Variants in COX10 observed in about 807,000 individuals in gnomAD.
COX10 encodes the protein cytochrome c oxidase assembly factor heme A:farnesyltransferase COX10, also known as protoheme IX farnesyltransferase, mitochondrial.
In COX10, 27 loss-of-function variants were observed where a neutral mutation model predicts 37.3. That is an observed-to-expected ratio of 0.72 (90% CI 0.53 to 1.00). The LOEUF (loss-of-function observed/expected upper bound fraction) is 1.00, where lower values mean the gene tolerates loss of function less well. Among genes scored for constraint, COX10 ranks in the 50% least tolerant of loss-of-function variants. The pLI is 0.00. For synonymous variants in COX10, 222 were observed against 229.1 expected (o/e 0.97, Z 0.28); for missense variants, 475 against 563.2 (o/e 0.84, Z 1.59).
At chr17:14,129,663 T>C (rs1270898475) in intron 4 of COX10, among the ~76,000 whole-genome samples, 1 of 152,244 alleles carries the variant, frequency 6.6e-6, no homozygotes, top group Non-Finnish European at 1.5e-5. Flanking sequence ...TTTTTCATTG[T>C]GCTGTAAGCA....
chr17:14,190,668 T>G, intron 5 of COX10, among the ~76,000 whole-genome samples: 1 of 152,114 alleles, frequency 6.6e-6, no homozygotes, highest in Non-Finnish European at 1.5e-5. Context: ...ATCAAGTCAC[T>G]TCTAGCTTTC....
At chr17:14,115,951 C>T (rs75033744) in intron 4 of COX10, among the ~76,000 whole-genome samples, 4,039 of 152,164 alleles carry the variant, frequency 0.027, 195 homozygotes, top group African/African-American at 0.093. Flanking sequence ...CCCTAAGAGC[C>T]CAGACTTCAC....
intron 4 of COX10, among the ~76,000 whole-genome samples, chr17:14,124,218 G>A (rs1001552086): frequency 6.6e-6 from 1 of 152,130 alleles, no homozygotes; most frequent in African/African-American, 2.4e-5. Context: ...TTTAATGATA[G>A]AAAGAATTGC....
At chr17:14,079,677 A>G (rs1915235358) in intron 3 of COX10, among the ~76,000 whole-genome samples, 1 of 152,178 alleles carries the variant, frequency 6.6e-6, no homozygotes, top group Non-Finnish European at 1.5e-5. Context: ...GGCTTATTAT[A>G]AAAAAGAATT....
rs1389043662 is a variant in COX10 at position 14,179,282 on chromosome 17, G to A, written c.696-12707G>A. The A allele has an allele frequency of 4.0e-5, 36 of 909,012 alleles. 1 individual carries two copies. The South Asian group carries it at 1.7e-3, about 42-fold the overall frequency. 56.3% of individuals were successfully genotyped at this position (909,012 alleles called of 1,614,324 possible). A position where few individuals can be genotyped will look rare whatever the true frequency, so the allele number is the denominator to read the frequency against. On this transcript the variant is annotated intron_variant, in intron 5 of 6. Coordinates refer to ENST00000261643, the MANE Select transcript of COX10 (RefSeq NM_001303.4). Reference sequence around the variant, plus strand: ...GGTCCTTCAGACTTATATTTTTAAGGTATCTTATATATATTTTTTAGTGAT... The same window carrying A: ...GGTCCTTCAGACTTATATTTTTAAGATATCTTATATATATTTTTTAGTGAT...
chr17:14,092,303 C>T (rs1915545822), intron 3 of COX10, among the ~76,000 whole-genome samples: 1 of 152,018 alleles, frequency 6.6e-6, no homozygotes. Flanking sequence ...TACTTAAATG[C>T]TTCATTTTGG....
intron 4 of COX10, among the ~76,000 whole-genome samples, chr17:14,145,302 G>A (rs1488384899): frequency 6.6e-6 from 1 of 152,178 alleles, no homozygotes; most frequent in Non-Finnish European, 1.5e-5. Flanking sequence ...GAAGTTTGTG[G>A]TTGTGTACTT....
At chr17:14,190,190 G>A (rs1432528543) in intron 5 of COX10, among the ~76,000 whole-genome samples, 7 of 152,158 alleles carry the variant, frequency 4.6e-5, no homozygotes, top group Admixed American at 6.5e-5. Context: ...TATAAGGAAC[G>A]AAAATGGAAA....
At chr17:14,137,478 T>A (rs539922406) in intron 4 of COX10, among the ~76,000 whole-genome samples, 1 of 152,020 alleles carries the variant, frequency 6.6e-6, no homozygotes, top group Admixed American at 6.6e-5. Flanking sequence ...ATATTTATAC[T>A]TTTTAACCCA....
intron 4 of COX10, among the ~76,000 whole-genome samples, chr17:14,137,776 G>C (rs1904417897): frequency 6.6e-6 from 1 of 151,912 alleles, no homozygotes; most frequent in Non-Finnish European, 1.5e-5. Flanking sequence ...ACTAGAAAGG[G>C]TACCAGTTAT....
intron 4 of COX10, among the ~76,000 whole-genome samples, chr17:14,134,461 A>G (rs552986426): frequency 6.6e-6 from 1 of 151,834 alleles, no homozygotes; most frequent in Admixed American, 6.6e-5. Flanking sequence ...GGTTGTTCAC[A>G]TTGGGAGATG....
At chr17:14,158,111 C>T (rs774024454) in intron 4 of COX10, among the ~76,000 whole-genome samples, 7 of 151,840 alleles carry the variant, frequency 4.6e-5, no homozygotes, top group Non-Finnish European at 8.8e-5. Context: ...ACAGGGAATC[C>T]TCACTGTGGG....
intron 5 of COX10, 84 bp downstream of exon 5, chr17:14,160,031 T>C (rs1905140208): frequency 3.9e-6 from 5 of 1,275,878 alleles, no homozygotes; most frequent in Non-Finnish European, 5.6e-6. Flanking sequence ...TATTTTGCTT[T>C]GAGCTGCGAA....
intron 3 of COX10, among the ~76,000 whole-genome samples, chr17:14,078,353 A>C (rs1001877808): frequency 2.6e-5 from 4 of 152,200 alleles, no homozygotes; most frequent in Admixed American, 2.6e-4. Flanking sequence ...TGTCAACAGC[A>C]GGAGCTTCAT....
chr17:14,110,502 T>TG (rs1262234876), intron 4 of COX10, among the ~76,000 whole-genome samples: 8 of 152,210 alleles, frequency 5.3e-5, no homozygotes, highest in African/African-American at 1.9e-4. Flanking sequence ...TGTGTATCTC[T>TG]GGGTAGCATG....
At chr17:14,095,712 G>A (rs1322423572) in intron 3 of COX10, among the ~76,000 whole-genome samples, 2 of 152,182 alleles carry the variant, frequency 1.3e-5, no homozygotes, top group Non-Finnish European at 1.5e-5. Flanking sequence ...CTGGGGCTTA[G>A]GGTCTTCTTC....
intron 3 of COX10, among the ~76,000 whole-genome samples, chr17:14,096,949 A>G (rs951620346): frequency 6.6e-6 from 1 of 152,070 alleles, no homozygotes; most frequent in Non-Finnish European, 1.5e-5. Flanking sequence ...GGGCTCCCAG[A>G]GTCATTCCTG....
intron 4 of COX10, among the ~76,000 whole-genome samples, chr17:14,125,007 G>A (rs1184755404): frequency 6.6e-6 from 1 of 152,144 alleles, no homozygotes; most frequent in Admixed American, 6.6e-5. Context: ...ATAAAAAATG[G>A]TCAGTAAAAT....
intron 3 of COX10, among the ~76,000 whole-genome samples, chr17:14,083,182 T>C (rs548478994): frequency 4.7e-4 from 71 of 152,330 alleles, no homozygotes; most frequent in Middle Eastern, 6.8e-3. Context: ...TTATTTTATA[T>C]ATTCCACGCC....
Sources: gnomAD v4.1 joint callset for allele counts (sites outside exome capture counted in the v4.1 genomes callset) on GRCh38, gnomAD v4.1.1 for gene constraint, MANE v1.5 for transcripts, NCBI Gene and HGNC (gene_info 2026-07-23, HGNC 2026-07-21) for gene names.